CASR: variants seen among roughly 807,000 people sequenced by gnomAD.
CASR encodes extracellular calcium-sensing receptor.
Under a neutral mutation model 69.1 loss-of-function variants are expected in CASR, and 23 were observed. The observed-to-expected ratio is 0.33, with a 90% confidence interval of 0.24 to 0.47. The LOEUF (loss-of-function observed/expected upper bound fraction) is 0.47, where lower values mean the gene tolerates loss of function less well. Among genes scored for constraint, CASR ranks in the 20% least tolerant of loss-of-function variants. The pLI, the probability that CASR is intolerant of heterozygous loss-of-function variation, is 1.00. For synonymous variants in CASR, 541 were observed against 544.7 expected (o/e 0.99, Z 0.10); for missense variants, 924 against 1,356.1 (o/e 0.68, Z 5.00).
chr3:122,187,933 C>A (rs1351969842), intron 1 of CASR, among the ~76,000 whole-genome samples: 2 of 152,106 alleles, frequency 1.3e-5, no homozygotes, highest in Non-Finnish European at 2.9e-5. Context: ...TGTGGGACCT[C>A]AGTTAAGTAA....
intron 1 of CASR, among the ~76,000 whole-genome samples, chr3:122,229,674 C>T (rs2074261262): frequency 6.6e-6 from 1 of 152,088 alleles, no homozygotes; most frequent in African/African-American, 2.4e-5. Flanking sequence ...CCAGCCTGGC[C>T]AACATGGTGA....
At chr3:122,201,673 G>A (rs1440884030) in intron 1 of CASR, among the ~76,000 whole-genome samples, 1 of 81,250 alleles carries the variant, frequency 1.2e-5, no homozygotes, top group Non-Finnish European at 3.1e-5. Context: ...GCCAGGCGGG[G>A]GCTGACCCCC....
chr3:122,203,928 T>A (rs539556282), intron 1 of CASR, among the ~76,000 whole-genome samples: 1 of 152,360 alleles, frequency 6.6e-6, no homozygotes, highest in Admixed American at 6.5e-5. Context: ...AAAGTTCTTA[T>A]ACATCTTTAG....
intron 1 of CASR, among the ~76,000 whole-genome samples, chr3:122,194,983 T>TTCC (rs1252219284): frequency 7.2e-6 from 1 of 139,824 alleles, no homozygotes; most frequent in African/African-American, 2.5e-5. Flanking sequence ...TTCTTACTTT[T>TTCC]TCCTCCTCCT....
rs574854092 is a variant in CASR at position 122,289,472 on chromosome 3, A to T, written c.*4281A>T. On this transcript the variant is annotated 3_prime_UTR_variant, in exon 7 of 7. Transcript: ENST00000639785. ...GTCAGGGAAACAACAAGCACAGGGT[A>T]GAACCTGTCACAGGAATAAAGGTGC... 21 of 152,418 alleles carry T rather than the reference A, an allele frequency of 1.4e-4. No homozygotes were observed. The highest frequency in any genetic ancestry group is 4.8e-4 in the African/African-American group (20 of 41,590). 9.4% of individuals were successfully genotyped at this position (152,418 alleles called of 1,614,324 possible).
At chr3:122,267,121 C>T (rs902022399) in intron 4 of CASR, among the ~76,000 whole-genome samples, 4 of 152,206 alleles carry the variant, frequency 2.6e-5, no homozygotes, top group Non-Finnish European at 2.9e-5. Flanking sequence ...GATTCCCTGT[C>T]ATTGCTCTTA....
intron 1 of CASR, among the ~76,000 whole-genome samples, chr3:122,232,401 G>A (rs2074287071): frequency 6.6e-6 from 1 of 152,180 alleles, no homozygotes; most frequent in Non-Finnish European, 1.5e-5. Flanking sequence ...GCCACTGAAG[G>A]ATCCCTGAAG....
chr3:122,268,856 C>T (rs931092325), intron 4 of CASR, among the ~76,000 whole-genome samples: 1 of 152,164 alleles, frequency 6.6e-6, no homozygotes, highest in African/African-American at 2.4e-5. Context: ...AAAACTCTCA[C>T]ACAAGAAACC....
intron 1 of CASR, among the ~76,000 whole-genome samples, chr3:122,193,949 C>G (rs902422501): frequency 2.0e-5 from 3 of 151,888 alleles, no homozygotes; most frequent in Non-Finnish European, 4.4e-5. Context: ...TCCCAATAAC[C>G]CTCATTTAAG....
intron 1 of CASR, among the ~76,000 whole-genome samples, chr3:122,204,539 C>T (rs1010134092): frequency 1.3e-5 from 2 of 152,108 alleles, no homozygotes; most frequent in African/African-American, 4.8e-5. Flanking sequence ...CTGCAATAAA[C>T]ATAGGAGTGC....
intron 1 of CASR, among the ~76,000 whole-genome samples, chr3:122,195,459 G>C (rs2073880691): frequency 6.6e-6 from 1 of 151,972 alleles, no homozygotes; most frequent in African/African-American, 2.4e-5. Context: ...GGTTTCCTTT[G>C]GTGTGTTCTG....
intron 1 of CASR, among the ~76,000 whole-genome samples, chr3:122,226,070 C>A (rs1475958671): frequency 6.6e-6 from 1 of 152,064 alleles, no homozygotes; most frequent in Non-Finnish European, 1.5e-5. Flanking sequence ...CTTGGGCCTA[C>A]ATTAACGGGG....
At chr3:122,236,793 G>A (rs1338739581) in intron 1 of CASR, among the ~76,000 whole-genome samples, 1 of 152,060 alleles carries the variant, frequency 6.6e-6, no homozygotes, top group Non-Finnish European at 1.5e-5. Context: ...CTTAGAATAG[G>A]TTCTTGGCAT....
chr3:122,185,990 A>AAT (rs10674556), intron 1 of CASR, among the ~76,000 whole-genome samples: 120,105 of 151,736 alleles, frequency 0.79, 48,080 homozygotes, highest in Admixed American at 0.85. Context: ...TCCTGCCAAT[A>AAT]CAGCACAGTC....
chr3:122,192,401 A>C (rs1211145310), intron 1 of CASR, among the ~76,000 whole-genome samples: 1 of 152,242 alleles, frequency 6.6e-6, no homozygotes, highest in Non-Finnish European at 1.5e-5. Flanking sequence ...AAAGCTCTAA[A>C]CAACTAAAGG....
intron 1 of CASR, among the ~76,000 whole-genome samples, chr3:122,244,771 G>GAAAGATAAGGGAGAT (rs1253739145): frequency 8.6e-5 from 13 of 152,032 alleles, no homozygotes; most frequent in Admixed American, 6.5e-5. Context: ...AAGAGTGAGA[G>GAAAGATAAGGGAGAT]AAAGATAAGG....
At chr3:122,279,844 G>T (rs963091604) in intron 5 of CASR, among the ~76,000 whole-genome samples, 20 of 152,198 alleles carry the variant, frequency 1.3e-4, no homozygotes, top group African/African-American at 4.3e-4. Flanking sequence ...GGATGTGCAG[G>T]TTTATTACAT....
intron 1 of CASR, among the ~76,000 whole-genome samples, chr3:122,199,107 G>C (rs1411112727): frequency 6.6e-6 from 1 of 152,108 alleles, no homozygotes; most frequent in Admixed American, 6.5e-5. Flanking sequence ...GTAAATAAGG[G>C]AATTGCGTCA....
chr3:122,244,732 C>A (rs999266198), intron 1 of CASR, among the ~76,000 whole-genome samples: 3 of 150,612 alleles, frequency 2.0e-5, no homozygotes, highest in Non-Finnish European at 4.4e-5. Context: ...TATCTGATGT[C>A]TATCATGCTT....
Sources: gnomAD v4.1 joint callset for allele counts (sites outside exome capture counted in the v4.1 genomes callset) on GRCh38, gnomAD v4.1.1 for gene constraint, MANE v1.5 for transcripts, NCBI Gene and HGNC (gene_info 2026-07-23, HGNC 2026-07-21) for gene names.